UBASH3B: variants seen among roughly 807,000 people sequenced by gnomAD.
UBASH3B encodes ubiquitin-associated and SH3 domain-containing protein B.
In UBASH3B, 37 loss-of-function variants were observed where a neutral mutation model predicts 83.4. That is an observed-to-expected ratio of 0.44 (90% CI 0.34 to 0.58). UBASH3B has a LOEUF of 0.58. UBASH3B is among the 20% of genes least tolerant of loss of function. The pLI is 0.01. For missense variants in UBASH3B, 657 were observed against 827.2 expected (o/e 0.79, Z 2.52); for synonymous variants, 304 against 318.3 (o/e 0.96, Z 0.48).
chr11:122,671,149 T>G (rs943420554), intron 1 of UBASH3B, among the ~76,000 whole-genome samples: 1 of 152,160 alleles, frequency 6.6e-6, no homozygotes, highest in Non-Finnish European at 1.5e-5. Context: ...CTTAGGAGTG[T>G]GGCGCTCCTC....
chr11:122,696,002 T>C (rs1863960656), intron 1 of UBASH3B, among the ~76,000 whole-genome samples: 1 of 152,168 alleles, frequency 6.6e-6, no homozygotes, highest in African/African-American at 2.4e-5. Context: ...CAGGCTGGAG[T>C]GTAGTGGTGC....
chr11:122,670,403 G>A (rs1236146706), intron 1 of UBASH3B, among the ~76,000 whole-genome samples: 2 of 152,128 alleles, frequency 1.3e-5, no homozygotes, highest in East Asian at 1.9e-4. Context: ...ATGCAGAGTG[G>A]TGTGTCTGGT....
At chr11:122,748,079 G>A (rs1861147445) in intron 1 of UBASH3B, among the ~76,000 whole-genome samples, 1 of 152,190 alleles carries the variant, frequency 6.6e-6, no homozygotes, top group African/African-American at 2.4e-5. Flanking sequence ...GCAAAAGGAG[G>A]ATCCTGCAAA....
intron 5 of UBASH3B, among the ~76,000 whole-genome samples, chr11:122,785,186 G>A (rs1015761271): frequency 1.3e-5 from 2 of 152,284 alleles, no homozygotes; most frequent in South Asian, 4.1e-4. Flanking sequence ...GCGCCCACGG[G>A]AATTATTTTC....
At chr11:122,802,968 C>A (rs1046802941) in intron 11 of UBASH3B, among the ~76,000 whole-genome samples, 1 of 152,084 alleles carries the variant, frequency 6.6e-6, no homozygotes, top group Non-Finnish European at 1.5e-5. Flanking sequence ...ATGTGTTTTG[C>A]CATTGCCTCC....
At chr11:122,761,949 G>A (rs1402878673) in intron 1 of UBASH3B, among the ~76,000 whole-genome samples, 2 of 151,540 alleles carry the variant, frequency 1.3e-5, no homozygotes, top group Non-Finnish European at 1.5e-5. Flanking sequence ...GCACCACCAC[G>A]CCCAGCTAAT....
At chr11:122,723,727 G>A (rs549923230) in intron 1 of UBASH3B, among the ~76,000 whole-genome samples, 3 of 152,228 alleles carry the variant, frequency 2.0e-5, no homozygotes, top group African/African-American at 7.2e-5. Context: ...GGCTTAGAGA[G>A]TTAGTGGTAA....
At chr11:122,762,534 G>T (rs779015478) in intron 1 of UBASH3B, among the ~76,000 whole-genome samples, 20 of 152,198 alleles carry the variant, frequency 1.3e-4, no homozygotes, top group Non-Finnish European at 2.5e-4. Flanking sequence ...GGGAAATGTT[G>T]CTTTCTTCTT....
chr11:122,688,583 A>G (rs976734166), intron 1 of UBASH3B, among the ~76,000 whole-genome samples: 6 of 142,216 alleles, frequency 4.2e-5, no homozygotes, highest in Non-Finnish European at 9.1e-5. Context: ...GTAAGCTGGG[A>G]CTACAGACGC....
At chr11:122,744,908 C>CGCAT (rs1555142509) in intron 1 of UBASH3B, among the ~76,000 whole-genome samples, 35 of 135,910 alleles carry the variant, frequency 2.6e-4, no homozygotes, top group African/African-American at 7.5e-4. Context: ...TGCGCGCGCG[C>CGCAT]GCGCACTTGG....
At position 122,763,259 on chromosome 11, in the gene UBASH3B, A is replaced by G. The variant is rs138790048; in HGVS notation, c.162-12960A>G. 2.3e-4 allele frequency among the ~76,000 whole-genome samples: 35 copies of G among 152,308 alleles called. No individual in the cohort carries two copies. In the East Asian group the frequency reaches 6.4e-3, roughly 28 times the overall value. ...CCATGGTCTAATGGCTGGTTTCCCA[A>G]TTACAAACTGCTGCCTCCCTACAGC... On this transcript the variant is annotated intron_variant, in intron 1 of 13. Coordinates refer to ENST00000284273, the MANE Select transcript of UBASH3B (RefSeq NM_032873.5).
chr11:122,789,123 T>C lies in UBASH3B; in HGVS notation c.795T>C (p.Tyr265=), dbSNP rs1180815666. ...NHETLQVIYP[Y]TPQNDDELEL... The stretch of plus-strand genomic sequence containing the variant: ...AGACATTACAGGTCATCTACCCCTA[T>C]ACCCCACAAAATGACGATGAGCTGG... Residue 265 remains tyrosine (Y), a synonymous_variant, in exon 6 of 14, where the codon TAT becomes TAC. Transcript: ENST00000284273. 4 of 1,613,502 alleles carry C rather than the reference T, an allele frequency of 2.5e-6. No homozygotes were observed. The Admixed American group carries it at 6.7e-5, about 27-fold the overall frequency.
chr11:122,778,590 A>ATTTTTTTTTTTTTT (rs138539169), intron 3 of UBASH3B, among the ~76,000 whole-genome samples: 16 of 118,074 alleles, frequency 1.4e-4, no homozygotes, highest in East Asian at 2.4e-4. Context: ...GAGAACTTTG[A>ATTTTTTTTTTTTTT]TTTTTTTTTT....
chr11:122,727,582 G>C (rs912347486), intron 1 of UBASH3B: 1 of 152,166 alleles, frequency 6.6e-6, no homozygotes, highest in Non-Finnish European at 1.5e-5. Context: ...CTCCGAGATG[G>C]GCACCAGGAG....
chr11:122,740,208 A>C (rs1487148342), intron 1 of UBASH3B, among the ~76,000 whole-genome samples: 1 of 152,202 alleles, frequency 6.6e-6, no homozygotes, highest in Non-Finnish European at 1.5e-5. Context: ...ATTTAAGTAG[A>C]CTGTGAATAG....
intron 5 of UBASH3B, among the ~76,000 whole-genome samples, chr11:122,787,207 G>A (rs773025437): frequency 5.3e-5 from 8 of 152,152 alleles, no homozygotes; most frequent in South Asian, 2.1e-4. Context: ...TTCATGGGAC[G>A]TCACACATTT....
chr11:122,787,963 G>T (rs1006337768), intron 5 of UBASH3B, among the ~76,000 whole-genome samples: 4 of 152,060 alleles, frequency 2.6e-5, no homozygotes, highest in Admixed American at 1.3e-4. Context: ...TACTATTGAG[G>T]TCTCCCACTA....
intron 1 of UBASH3B, among the ~76,000 whole-genome samples, chr11:122,761,429 C>T (rs1248778615): frequency 2.0e-5 from 3 of 152,224 alleles, no homozygotes; most frequent in Admixed American, 6.5e-5. Flanking sequence ...TGTGATTATA[C>T]TGATGCACTT....
chr11:122,808,173 A>G lies in UBASH3B; in HGVS notation c.1809A>G (p.Arg603=). 1 of 1,613,824 alleles carries G rather than the reference A, an allele frequency of 6.2e-7. No homozygotes were observed. Among genetic ancestry groups the G allele is most frequent in the Non-Finnish European group, 8.5e-7 (1 of 1,179,718 alleles). Residue 603 remains arginine (R), a synonymous_variant, in exon 13 of 14, where the codon CGA becomes CGG. Transcript: ENST00000284273. ...CCAAGGACTTCGTACAAATGGTCCG[A>G]AAGGTAATTCATTCTCGTACTTTGG... ...QNSKDFVQMV[R]KIPYLGFCSC...
Sources: gnomAD v4.1 joint callset for allele counts (sites outside exome capture counted in the v4.1 genomes callset) on GRCh38, gnomAD v4.1.1 for gene constraint, MANE v1.5 for transcripts, NCBI Gene and HGNC (gene_info 2026-07-23, HGNC 2026-07-21) for gene names.